Variants in FMN1 observed in about 807,000 individuals in gnomAD.
FMN1 encodes formin-1.
In FMN1, 110 loss-of-function variants were observed where a neutral mutation model predicts 132.4. The observed-to-expected ratio is 0.83, with a 90% CI of 0.71 to 0.97. FMN1 has a LOEUF of 0.97. Ranked by LOEUF, FMN1 falls within the 50% of genes least tolerant of loss-of-function variation. The probability of loss-of-function intolerance (pLI) is 0.00; values close to 1 mark genes in which losing one functional copy is unlikely to be tolerated. For missense variants in FMN1, 1,792 were observed against 1,705.3 expected, an observed-to-expected ratio of 1.05 and a Z score of -0.90; for synonymous variants, 722 against 651.7, an observed-to-expected ratio of 1.11 and a Z score of -1.64.
At chr15:32,800,574 G>A (rs767257015) in intron 18 of FMN1, among the ~76,000 whole-genome samples, 62 of 152,160 alleles carry the variant, frequency 4.1e-4, no homozygotes, top group Non-Finnish European at 6.6e-4. Context: ...TAACCTATAG[G>A]AACAGGCCAT....
intron 6 of FMN1, among the ~76,000 whole-genome samples, chr15:33,037,108 G>A (rs2036225929): frequency 6.6e-6 from 1 of 152,082 alleles, no homozygotes; most frequent in African/African-American, 2.4e-5. Flanking sequence ...CTCAATTTCT[G>A]ATCCTTATTA....
chr15:32,936,954 T>C (rs2061289751), intron 9 of FMN1, among the ~76,000 whole-genome samples: 1 of 152,156 alleles, frequency 6.6e-6, no homozygotes, highest in East Asian at 1.9e-4. Context: ...TCTCCAGGCA[T>C]CTAGAGTATG....
At chr15:33,117,959 G>A (rs1257709257) in intron 4 of FMN1, among the ~76,000 whole-genome samples, 1 of 152,236 alleles carries the variant, frequency 6.6e-6, no homozygotes, top group Non-Finnish European at 1.5e-5. Context: ...ACTGTTTTTC[G>A]TGTTCCTAGA....
chr15:33,065,244 G>A (rs1244658888), intron 5 of FMN1, among the ~76,000 whole-genome samples, 170 bp from the exon 6 acceptor site: 1 of 152,110 alleles, frequency 6.6e-6, no homozygotes, highest in East Asian at 1.9e-4. Context: ...TTCCAGAAGT[G>A]TAACGTGATC....
intron 3 of FMN1, among the ~76,000 whole-genome samples, chr15:33,159,131 G>T (rs767200893): frequency 2.0e-5 from 3 of 152,202 alleles, no homozygotes. Context: ...GCAGTGAGCC[G>T]AGATTGTGCC....
chr15:32,967,331 G>A (rs567617287), intron 8 of FMN1, among the ~76,000 whole-genome samples: 2 of 152,316 alleles, frequency 1.3e-5, no homozygotes, highest in East Asian at 3.9e-4. Flanking sequence ...GGAAGTGAAG[G>A]CAGGCTAGTG....
At chr15:32,974,391 C>T (rs2140707731) in intron 7 of FMN1, among the ~76,000 whole-genome samples, 1 of 152,298 alleles carries the variant, frequency 6.6e-6, no homozygotes, top group Middle Eastern at 3.4e-3. Flanking sequence ...CCTCTTCTCA[C>T]CTGCAATAGT....
intron 16 of FMN1, among the ~76,000 whole-genome samples, chr15:32,865,255 G>A (rs2059365783): frequency 6.6e-6 from 1 of 152,174 alleles, no homozygotes; most frequent in South Asian, 2.1e-4. Flanking sequence ...TTAAATGGGT[G>A]AATTATGTGG....
chr15:32,788,484 A>T (rs571312412), intron 19 of FMN1, among the ~76,000 whole-genome samples: 1 of 152,164 alleles, frequency 6.6e-6, no homozygotes, highest in African/African-American at 2.4e-5. Context: ...CTCACCAAAA[A>T]CTAGCACTGA....
chr15:33,159,754 A>G (rs994024181), intron 3 of FMN1, among the ~76,000 whole-genome samples: 1 of 152,252 alleles, frequency 6.6e-6, no homozygotes, highest in African/African-American at 2.4e-5. Flanking sequence ...GAAACATGGC[A>G]GTGAATATCA....
chr15:32,927,625 C>T (rs1047991737), intron 9 of FMN1, among the ~76,000 whole-genome samples: 2 of 152,102 alleles, frequency 1.3e-5, no homozygotes, highest in Admixed American at 6.6e-5. Flanking sequence ...TACCTCATTG[C>T]CAGTTATTTC....
chr15:33,119,137 G>A (rs546745201), intron 4 of FMN1, among the ~76,000 whole-genome samples: 5 of 152,248 alleles, frequency 3.3e-5, no homozygotes, highest in South Asian at 4.1e-4. Flanking sequence ...AAAACACTAA[G>A]TAGAGAGAAA....
chr15:32,807,164 A>G (rs2057710881), intron 17 of FMN1, among the ~76,000 whole-genome samples: 1 of 152,282 alleles, frequency 6.6e-6, no homozygotes, highest in Non-Finnish European at 1.5e-5. Flanking sequence ...GAATATGAAC[A>G]TAAGCTAAAG....
intron 17 of FMN1, among the ~76,000 whole-genome samples, chr15:32,848,697 G>A (rs2141250018): frequency 6.6e-6 from 1 of 152,266 alleles, no homozygotes; most frequent in African/African-American, 2.4e-5. Context: ...AATGTGAAGT[G>A]CGAAGTACTA....
chr15:33,110,519 T>C (rs2039660676), intron 4 of FMN1, among the ~76,000 whole-genome samples: 1 of 152,046 alleles, frequency 6.6e-6, no homozygotes, highest in Non-Finnish European at 1.5e-5. Flanking sequence ...ATAATAGTTT[T>C]GTAACAAAAA....
intron 16 of FMN1, among the ~76,000 whole-genome samples, chr15:32,883,495 G>A (rs1335522104): frequency 1.4e-5 from 1 of 72,544 alleles, no homozygotes; most frequent in East Asian, 4.0e-4. Context: ...GGGCAATAGA[G>A]CAAGAACCTA....
chr15:33,148,318 G>A (rs76914441), intron 4 of FMN1, among the ~76,000 whole-genome samples: 6,284 of 152,136 alleles, frequency 0.041, 434 homozygotes, highest in African/African-American at 0.14. Flanking sequence ...TCATTCTACC[G>A]AAGTAACTCC....
intron 17 of FMN1, among the ~76,000 whole-genome samples, chr15:32,839,114 T>C (rs1409273202): frequency 6.6e-6 from 1 of 152,002 alleles, no homozygotes; most frequent in Non-Finnish European, 1.5e-5. Context: ...AGAACTCTCA[T>C]GAGAAAGTGC....
At chr15:33,027,686 A>G (rs1191825191) in intron 6 of FMN1, among the ~76,000 whole-genome samples, 2 of 152,162 alleles carry the variant, frequency 1.3e-5, no homozygotes, top group African/African-American at 4.8e-5. Context: ...CTCATAACTG[A>G]TACAGTGAGA....
Sources: allele counts gnomAD v4.1 joint callset (sites outside exome capture counted in the v4.1 genomes callset), GRCh38; gene constraint gnomAD v4.1.1; transcripts MANE v1.5; gene names NCBI Gene and HGNC (gene_info 2026-07-23, HGNC 2026-07-21).